Variants in TM9SF3 observed in about 807,000 individuals in gnomAD.
The protein encoded by TM9SF3 is SM-11044-binding protein.
TM9SF3 carries 14 observed loss-of-function variants against 78.6 expected under a neutral mutation model. The observed-to-expected ratio is 0.18, with a 90% CI of 0.12 to 0.28. TM9SF3 has a LOEUF of 0.28. TM9SF3 is among the 10% of genes least tolerant of loss of function. The pLI, the probability that TM9SF3 is intolerant of heterozygous loss-of-function variation, is 1.00. For missense variants in TM9SF3, 496 were observed against 721.9 expected, an observed-to-expected ratio of 0.69 and a Z score of 3.59; for synonymous variants, 231 against 241.7, an observed-to-expected ratio of 0.96 and a Z score of 0.41.
At chr10:96,544,788 A>G (rs1848077316) in intron 8 of TM9SF3, among the ~76,000 whole-genome samples, 1 of 152,164 alleles carries the variant, frequency 6.6e-6, no homozygotes, top group Non-Finnish European at 1.5e-5. Flanking sequence ...ACCTCGCAAG[A>G]AACCCACTTG....
intron 5 of TM9SF3, among the ~76,000 whole-genome samples, chr10:96,559,271 G>A (rs1033503451): frequency 6.6e-6 from 1 of 152,142 alleles, no homozygotes; most frequent in Non-Finnish European, 1.5e-5. Context: ...CTAATTCTGA[G>A]TTTCAGTAGT....
chr10:96,580,488 G>C (rs1330771275), intron 1 of TM9SF3, among the ~76,000 whole-genome samples: 1 of 151,998 alleles, frequency 6.6e-6, no homozygotes, highest in Non-Finnish European at 1.5e-5. Context: ...GGACGGTCTC[G>C]ATCTCCTGAC....
chr10:96,581,984 T>C (rs1848574808), intron 1 of TM9SF3, among the ~76,000 whole-genome samples: 1 of 152,224 alleles, frequency 6.6e-6, no homozygotes, highest in Admixed American at 6.5e-5. Flanking sequence ...GGCCTCAGTT[T>C]GTTCATTGTG....
chr10:96,573,167 C>T (rs1848458376), intron 2 of TM9SF3, among the ~76,000 whole-genome samples: 1 of 152,136 alleles, frequency 6.6e-6, no homozygotes, highest in African/African-American at 2.4e-5. Flanking sequence ...AGATTAAGAA[C>T]ACACGGTAAA....
At chr10:96,579,187 TG>T (rs1848532375) in intron 1 of TM9SF3, among the ~76,000 whole-genome samples, 1 of 152,190 alleles carries the variant, frequency 6.6e-6, no homozygotes. Flanking sequence ...AAAAGAAGTT[TG>T]AAGTATGTGA....
chr10:96,544,283 G>T (rs931322172), intron 8 of TM9SF3, 77 bp from the exon 9 acceptor site: 12 of 1,273,102 alleles, frequency 9.4e-6, no homozygotes, highest in Admixed American at 8.7e-5. Context: ...TTAATATAAA[G>T]ATCATGAAAT....
chr10:96,539,845 T>C (rs1589449833), intron 9 of TM9SF3, among the ~76,000 whole-genome samples: 1 of 152,050 alleles, frequency 6.6e-6, no homozygotes, highest in Non-Finnish European at 1.5e-5. Context: ...AAACCTATCA[T>C]CACCACCACC....
In TM9SF3 at chr10:96,553,040, A is replaced by C. The variant is rs771743487; in HGVS notation, c.680T>G (p.Phe227Cys). 1 of 1,594,356 alleles carries C rather than the reference A, an allele frequency of 6.3e-7. No individual in the cohort carries two copies. Among genetic ancestry groups the C allele is most frequent in the Non-Finnish European group, 8.5e-7 (1 of 1,174,756 alleles). Reference protein sequence around the residue: ...FQHRIHWFSIFNSFMMVIFLV... With the variant: ...FQHRIHWFSICNSFMMVIFLV... ...GAAGATCACCATCATGAAGGAGTTGAAAATTGAAAACCAATGAATCTAAAA... is the reference window on the plus strand; with the variant it reads ...GAAGATCACCATCATGAAGGAGTTGCAAATTGAAAACCAATGAATCTAAAA... The change falls in exon 6 of 15, where the codon TTC (phenylalanine) becomes TGC (cysteine). Residue 227 changes from phenylalanine to cysteine, a missense_variant. Coordinates refer to ENST00000371142, the MANE Select transcript of TM9SF3 (RefSeq NM_020123.4).
At chr10:96,572,269 CAAAT>C (rs1359456239) in intron 2 of TM9SF3, among the ~76,000 whole-genome samples, 1 of 151,988 alleles carries the variant, frequency 6.6e-6, no homozygotes, top group African/African-American at 2.4e-5. Flanking sequence ...ACACTTCGAT[CAAAT>C]AAATATTATT....
At chr10:96,580,766 A>G (rs1848558117) in intron 1 of TM9SF3, among the ~76,000 whole-genome samples, 2 of 152,334 alleles carry the variant, frequency 1.3e-5, no homozygotes, top group East Asian at 3.9e-4. Context: ...ATAAATACAT[A>G]CTATGAGCTA....
chr10:96,572,986 C>G (rs1848455810), intron 2 of TM9SF3, among the ~76,000 whole-genome samples: 1 of 152,018 alleles, frequency 6.6e-6, no homozygotes, highest in African/African-American at 2.4e-5. Flanking sequence ...CAAAACGATA[C>G]CAATCCATGG....
intron 2 of TM9SF3, among the ~76,000 whole-genome samples, chr10:96,575,128 C>G (rs908332638): frequency 6.6e-6 from 1 of 151,834 alleles, no homozygotes; most frequent in Non-Finnish European, 1.5e-5. Flanking sequence ...GGGTGAGGAT[C>G]TCAAAAACTA....
rs1352447554 is a variant in TM9SF3 at position 96,518,349 on chromosome 10, G to GT, written c.*3913dup. 2.0e-5 allele frequency: 3 copies of GT among 152,140 alleles called. No individual in the cohort carries two copies. The highest frequency in any genetic ancestry group is 2.9e-5 in the Non-Finnish European group (2 of 68,006). The allele number at this position is 152,140 out of a possible 1,614,324, so 9.4% of individuals were successfully genotyped here. On this transcript the variant is annotated 3_prime_UTR_variant, in exon 15 of 15. Transcript: ENST00000371142. ...GCTCTGTGGGGACTTACACATTCAAGTTTGACAGTTGAAAAACCAACTGGA... is the reference window on the plus strand; with the variant it reads ...GCTCTGTGGGGACTTACACATTCAAGTTTTGACAGTTGAAAAACCAACTGGA...
At chr10:96,543,848 T>C (rs913534471) in intron 9 of TM9SF3, 1 of 253,462 alleles carries the variant, frequency 3.9e-6, no homozygotes, top group Admixed American at 5.0e-5. Context: ...TTCACTTTAC[T>C]GGCTTACAGA....
intron 2 of TM9SF3, among the ~76,000 whole-genome samples, chr10:96,570,688 T>C (rs1323619432): frequency 6.6e-6 from 1 of 151,670 alleles, no homozygotes; most frequent in Non-Finnish European, 1.5e-5. Context: ...AAAATGTCAG[T>C]GAAGGAATAA....
At chr10:96,530,664 A>C in intron 10 of TM9SF3, 56 bp from the exon 11 acceptor site, 1 of 1,416,758 alleles carries the variant, frequency 7.1e-7, no homozygotes, top group Non-Finnish European at 9.7e-7. Flanking sequence ...TGTTATATAA[A>C]CACTGATAAC....
At chr10:96,540,713 T>C (rs1395151391) in intron 9 of TM9SF3, among the ~76,000 whole-genome samples, 7 of 151,526 alleles carry the variant, frequency 4.6e-5, no homozygotes, top group Admixed American at 4.6e-4. Flanking sequence ...TTAGCGTTTG[T>C]GAACAGCTCA....
intron 8 of TM9SF3, among the ~76,000 whole-genome samples, chr10:96,546,743 GC>G (rs1460484824): frequency 5.9e-5 from 9 of 152,064 alleles, no homozygotes; most frequent in Admixed American, 5.9e-4. Context: ...TAATAAAAAA[GC>G]AATGGTAAAC....
intron 6 of TM9SF3, 128 bp downstream of exon 6, chr10:96,552,800 A>T: frequency 2.2e-6 from 2 of 890,792 alleles, no homozygotes; most frequent in Non-Finnish European, 3.0e-6. Context: ...CATCTTTCTT[A>T]ACTCTAAAAA....
Sources: allele counts gnomAD v4.1 joint callset (sites outside exome capture counted in the v4.1 genomes callset), GRCh38; gene constraint gnomAD v4.1.1; transcripts MANE v1.5; gene names NCBI Gene and HGNC (gene_info 2026-07-23, HGNC 2026-07-21).